PTPN2: variants seen among roughly 807,000 people sequenced by gnomAD.
The protein encoded by PTPN2 is tyrosine-protein phosphatase non-receptor type 2.
A neutral mutation model predicts 57.3 loss-of-function variants in PTPN2; 19 were observed. The ratio of observed to expected loss-of-function variants is 0.33; its 90% confidence interval spans 0.23 to 0.49. The LOEUF is 0.49. Among genes scored for constraint, PTPN2 ranks in the 20% least tolerant of loss-of-function variants. PTPN2 has a pLI of 0.99. For synonymous variants in PTPN2, 153 were observed against 164.9 expected (o/e 0.93, Z 0.55); for missense variants, 358 against 501.1 (o/e 0.71, Z 2.73).
chr18:12,841,964 T>C (rs961315365), intron 2 of PTPN2, among the ~76,000 whole-genome samples: 1 of 151,554 alleles, frequency 6.6e-6, no homozygotes, highest in Non-Finnish European at 1.5e-5. Flanking sequence ...TGGAGTGCAA[T>C]GGTGCGATCT....
downstream of PTPN2, among the ~76,000 whole-genome samples, chr18:12,790,066 G>A (rs1044078778): frequency 6.6e-6 from 1 of 151,936 alleles, no homozygotes; most frequent in Non-Finnish European, 1.5e-5. Context: ...TTGAGTAGCT[G>A]GGACTACAGG....
downstream of PTPN2, chr18:12,787,793 C>T (rs1426504801): frequency 5.9e-5 from 9 of 152,204 alleles, no homozygotes; most frequent in Non-Finnish European, 1.3e-4. Flanking sequence ...GCAGGAGAAA[C>T]GGGTTCAAAT....
At chr18:12,861,974 A>G (rs1297380816) in intron 1 of PTPN2, 1 of 152,212 alleles carries the variant, frequency 6.6e-6, no homozygotes, top group Admixed American at 6.5e-5. Context: ...TAAGAAATAC[A>G]TTCATAACAT....
At chr18:12,804,721 G>T (rs1490548386) in intron 7 of PTPN2, among the ~76,000 whole-genome samples, 1 of 152,164 alleles carries the variant, frequency 6.6e-6, no homozygotes. Context: ...AATAAAGAGT[G>T]AGATTAAATC....
intron 2 of PTPN2, chr18:12,843,994 G>A (rs77151712): frequency 0.11 from 16,380 of 152,084 alleles, 1,074 homozygotes; most frequent in Non-Finnish European, 0.16. Context: ...TCTCCCTCTC[G>A]AGAATTCTCA....
intron 1 of PTPN2, among the ~76,000 whole-genome samples, chr18:12,876,075 C>A (rs79275094): frequency 0.035 from 5,326 of 152,064 alleles, 330 homozygotes; most frequent in African/African-American, 0.12. Flanking sequence ...AGCATGGTGG[C>A]GTGCATCTGT....
chr18:12,789,119 A>G (rs1598718054), downstream of PTPN2, among the ~76,000 whole-genome samples: 1 of 152,262 alleles, frequency 6.6e-6, no homozygotes, highest in East Asian at 1.9e-4. Context: ...GCTTTCCACC[A>G]AGGCATGTCA....
chr18:12,872,507 A>G (rs1271173487), intron 1 of PTPN2, among the ~76,000 whole-genome samples: 1 of 152,200 alleles, frequency 6.6e-6, no homozygotes, highest in Non-Finnish European at 1.5e-5. Context: ...CTCTCGTTTG[A>G]AAAGTATCCA....
rs113773304 is a variant in PTPN2, at chr18:12,864,549, C to T, written c.70-5295G>A. 8.8e-3 allele frequency among the ~76,000 whole-genome samples: 1,335 copies of T among 152,182 alleles called. 24 individuals carry two copies. Among genetic ancestry groups the T allele is most frequent in the African/African-American group, 0.031 (1,292 of 41,506 alleles). On this transcript the variant is annotated intron_variant, in intron 1 of 8. Coordinates refer to ENST00000309660, the MANE Select transcript of PTPN2 (RefSeq NM_002828.4). The stretch of plus-strand genomic sequence containing the variant: ...TAGCTGGGACCACAAATGCCCGCCA[C>T]CACGCCCGGCTAATTTTTTTTTGTA...
intron 5 of PTPN2, among the ~76,000 whole-genome samples, chr18:12,822,305 A>G (rs966374460): frequency 4.6e-5 from 7 of 152,226 alleles, no homozygotes; most frequent in Admixed American, 3.3e-4. Context: ...AGTCAGCATT[A>G]TAACAGTATT....
downstream of PTPN2, among the ~76,000 whole-genome samples, chr18:12,789,710 G>C (rs986155150): frequency 1.3e-5 from 2 of 152,158 alleles, no homozygotes; most frequent in African/African-American, 4.8e-5. Flanking sequence ...AATGTTTATA[G>C]AACTGGAACT....
intron 2 of PTPN2, among the ~76,000 whole-genome samples, chr18:12,851,199 G>GATTTGT (rs1254489087): frequency 5.7e-4 from 5 of 8,790 alleles, no homozygotes; most frequent in Non-Finnish European, 2.2e-3. Context: ...TATTATATAG[G>GATTTGT]CCGGGCGCGG....
intron 8 of PTPN2, among the ~76,000 whole-genome samples, chr18:12,797,721 T>C (rs1349336179): frequency 6.6e-6 from 1 of 152,194 alleles, no homozygotes; most frequent in Non-Finnish European, 1.5e-5. Context: ...TTTTCCCGTA[T>C]ATTTATGCAA....
chr18:12,819,116 T>C, intron 5 of PTPN2: 1 of 441,308 alleles, frequency 2.3e-6, no homozygotes, highest in Non-Finnish European at 3.8e-6. Context: ...AAAAAATCCA[T>C]TTTGCAGTAG....
chr18:12,813,018 AC>A (rs1293547801), intron 7 of PTPN2, among the ~76,000 whole-genome samples: 1 of 79,206 alleles, frequency 1.3e-5, no homozygotes, highest in African/African-American at 4.1e-5. Context: ...AAGACACAAA[AC>A]TTAAAAAAAA....
At chr18:12,853,558 C>A (rs2043468919) in intron 2 of PTPN2, among the ~76,000 whole-genome samples, 1 of 152,180 alleles carries the variant, frequency 6.6e-6, no homozygotes. Context: ...ACGAGAACCA[C>A]CACCTCCACT....
intron 2 of PTPN2, among the ~76,000 whole-genome samples, chr18:12,843,513 C>T (rs938804077): frequency 1.3e-5 from 2 of 152,214 alleles, no homozygotes; most frequent in Non-Finnish European, 2.9e-5. Flanking sequence ...CACGCTTCCA[C>T]AGCTCCCTCC....
chr18:12,850,851 T>C (rs941388110), intron 2 of PTPN2, among the ~76,000 whole-genome samples: 1 of 152,064 alleles, frequency 6.6e-6, no homozygotes, highest in Non-Finnish European at 1.5e-5. Context: ...GCAATTCTCC[T>C]GCCTCAGCCT....
At chr18:12,825,755 A>G (rs1476997241) in intron 5 of PTPN2, 55 bp downstream of exon 5, 7 of 1,505,194 alleles carry the variant, frequency 4.7e-6, no homozygotes, top group Non-Finnish European at 6.3e-6. Context: ...ATAATAAAGA[A>G]TAATTCTTTA....
Sources: allele counts gnomAD v4.1 joint callset (sites outside exome capture counted in the v4.1 genomes callset), GRCh38; gene constraint gnomAD v4.1.1; transcripts MANE v1.5; gene names NCBI Gene and HGNC (gene_info 2026-07-23, HGNC 2026-07-21).